The following ANXA8 variants were observed in gnomAD, a reference collection of about 807,000 sequenced individuals.
The protein encoded by ANXA8 is annexin A8, also known as VAC-beta.
In ANXA8, 9 loss-of-function variants were observed where a neutral mutation model predicts 26.8. The ratio of observed to expected loss-of-function variants is 0.34; its 90% CI spans 0.20 to 0.59. The LOEUF is 0.59. Ranked by LOEUF, ANXA8 falls within the 20% of genes least tolerant of loss-of-function variation. The probability of loss-of-function intolerance (pLI) is 0.84; values close to 1 mark genes in which losing one functional copy is unlikely to be tolerated. For missense variants in ANXA8, 83 were observed against 238.5 expected, an observed-to-expected ratio of 0.35 and a Z score of 4.29; for synonymous variants, 39 against 94.8, an observed-to-expected ratio of 0.41 and a Z score of 3.42.
At chr10:47,603,249 AAGG>A in the ANXA8 span, among the ~76,000 whole-genome samples, 1 of 148,380 alleles carries the variant, frequency 6.7e-6, no homozygotes. Flanking sequence ...GAGAAAAATA[AAGG>A]AGAATAAGAG....
At chr10:47,699,084 C>G in the ANXA8 span, among the ~76,000 whole-genome samples, 1 of 151,460 alleles carries the variant, frequency 6.6e-6, no homozygotes, top group Non-Finnish European at 1.5e-5. Flanking sequence ...CGGTGGCTCA[C>G]GCCTGTAATC....
chr10:47,506,520 G>A, the ANXA8 span, among the ~76,000 whole-genome samples: 45 of 140,008 alleles, frequency 3.2e-4, 1 homozygote, highest in African/African-American at 6.8e-4. Flanking sequence ...CAGTAGAGGC[G>A]GGTTTTACCA....
At chr10:47,650,070 T>C in the ANXA8 span, among the ~76,000 whole-genome samples, 103 of 148,960 alleles carry the variant, frequency 6.9e-4, 1 homozygote, top group Non-Finnish European at 1.3e-3. Context: ...TAGCTGGGCA[T>C]GGTGGCACGC....
the ANXA8 span, among the ~76,000 whole-genome samples, chr10:47,954,021 C>T: frequency 1.3e-5 from 2 of 150,668 alleles, no homozygotes; most frequent in African/African-American, 4.9e-5. Flanking sequence ...ACCCTATGAT[C>T]CAGCAATCCT....
At chr10:47,534,638 A>T in the ANXA8 span, among the ~76,000 whole-genome samples, 3 of 115,918 alleles carry the variant, frequency 2.6e-5, no homozygotes, top group Admixed American at 8.7e-5. Context: ...TTTCAATTCC[A>T]CTGCCCAGTT....
At chr10:47,552,720 TA>T in the ANXA8 span, among the ~76,000 whole-genome samples, 5 of 151,894 alleles carry the variant, frequency 3.3e-5, no homozygotes, top group Non-Finnish European at 5.9e-5. Flanking sequence ...TCGGGCTGCA[TA>T]AAATCTGACA....
At chr10:47,552,043 C>G in the ANXA8 span, 1 of 211,356 alleles carries the variant, frequency 4.7e-6, no homozygotes, top group African/African-American at 2.4e-5. Context: ...TCATTTATTT[C>G]TTTATGAAGA....
At chr10:47,535,226 G>A in the ANXA8 span, among the ~76,000 whole-genome samples, 5 of 132,902 alleles carry the variant, frequency 3.8e-5, no homozygotes, top group South Asian at 2.2e-4. Context: ...CGCCCACCTC[G>A]GTCTCCCAAA....
At chr10:47,953,827 C>A in the ANXA8 span, among the ~76,000 whole-genome samples, 2 of 150,908 alleles carry the variant, frequency 1.3e-5, no homozygotes, top group East Asian at 2.0e-4. Context: ...ATATGCAAAT[C>A]AAAACTACAA....
At chr10:47,488,705 CAT>C (rs1840088633), upstream of ANXA8, among the ~76,000 whole-genome samples, 1 of 109,356 alleles carries the variant, frequency 9.1e-6, no homozygotes, top group Non-Finnish European at 1.8e-5. Flanking sequence ...TAGAATTTTA[CAT>C]GTTAAATTTT....
chr10:47,489,331 T>C, the ANXA8 span, among the ~76,000 whole-genome samples: 743 of 148,818 alleles, frequency 5.0e-3, 10 homozygotes, highest in Admixed American at 9.7e-3. Context: ...TTAAATGTTT[T>C]GTCCCAGTGT....
the ANXA8 span, chr10:47,588,811 C>CTCT: frequency 1.0e-5 from 1 of 97,650 alleles, no homozygotes; most frequent in African/African-American, 5.6e-5. Context: ...CTTTCTCTCT[C>CTCT]TTTTTTTTTT....
the ANXA8 span, among the ~76,000 whole-genome samples, chr10:47,645,328 T>A: frequency 1.4e-4 from 21 of 147,344 alleles, no homozygotes; most frequent in Non-Finnish European, 2.5e-4. Context: ...GTGGGAGACG[T>A]TACTAAAGGA....
chr10:47,547,900 T>A, the ANXA8 span, among the ~76,000 whole-genome samples: 1 of 141,174 alleles, frequency 7.1e-6, no homozygotes, highest in South Asian at 2.3e-4. Flanking sequence ...CTATTATGTA[T>A]CCATAATAAC....
chr10:47,502,891 A>G, the ANXA8 span: 1 of 1,604,576 alleles, frequency 6.2e-7, no homozygotes, highest in African/African-American at 1.4e-5. Flanking sequence ...GGCAGACACA[A>G]TCATAAAGTT....
chr10:47,483,987 C>G lies in ANXA8; in HGVS notation c.-54G>C. The stretch of plus-strand genomic sequence containing the variant: ...GGGAGATGAAGAGACACAGGTTGGC[C>G]TCTGCTGGGACTCCACACGTCTGGC... On this transcript the variant is annotated 5_prime_UTR_variant, in exon 1 of 12. Transcript: ENST00000585281. The G allele has an allele frequency of 6.2e-7, 1 of 1,611,668 alleles. No homozygotes were observed.
the ANXA8 span, among the ~76,000 whole-genome samples, chr10:47,663,704 A>G: frequency 2.6e-4 from 38 of 145,556 alleles, no homozygotes; most frequent in Admixed American, 2.3e-3. Context: ...TTACAAAGAA[A>G]TAAAATTAAT....
the ANXA8 span, among the ~76,000 whole-genome samples, chr10:47,548,969 G>T: frequency 6.6e-6 from 1 of 152,294 alleles, no homozygotes; most frequent in African/African-American, 2.4e-5. Flanking sequence ...GATCCAAGAA[G>T]AAATGGTACT....
At chr10:47,733,187 T>TCTCTC in the ANXA8 span, among the ~76,000 whole-genome samples, 2 of 94,218 alleles carry the variant, frequency 2.1e-5, no homozygotes, top group African/African-American at 6.7e-5. Flanking sequence ...CTTTCTTTCT[T>TCTCTC]TCTTTCTTTC....
Sources: gnomAD v4.1 joint callset for allele counts (sites outside exome capture counted in the v4.1 genomes callset) on GRCh38, gnomAD v4.1.1 for gene constraint, MANE v1.5 for transcripts, NCBI Gene and HGNC (gene_info 2026-07-23, HGNC 2026-07-21) for gene names.